TRIM58: variants seen among roughly 807,000 people sequenced by gnomAD.
TRIM58 encodes the protein tripartite motif containing 58.
Under a neutral mutation model 34.1 loss-of-function variants are expected in TRIM58, and 38 were observed. That is an observed-to-expected ratio of 1.12 (90% CI 0.86 to 1.46). TRIM58 has a LOEUF of 1.46. Ranked by LOEUF, TRIM58 falls within the 40% of genes most tolerant of loss-of-function variation. The probability of loss-of-function intolerance (pLI) is 0.00; values close to 1 mark genes in which losing one functional copy is unlikely to be tolerated. For missense variants in TRIM58, 677 were observed against 642.0 expected (o/e 1.05, Z -0.59); for synonymous variants, 273 against 275.7 (o/e 0.99, Z 0.10).
At chr1:247,869,754 T>C (rs1007298386) in intron 5 of TRIM58, among the ~76,000 whole-genome samples, 5 of 152,146 alleles carry the variant, frequency 3.3e-5, no homozygotes, top group Admixed American at 2.0e-4. Flanking sequence ...GGGAAAACTT[T>C]CCCCTTTCCC....
intron 3 of TRIM58, among the ~76,000 whole-genome samples, chr1:247,866,969 C>A (rs1478779318): frequency 1.3e-5 from 2 of 151,988 alleles, no homozygotes; most frequent in Non-Finnish European, 2.9e-5. Context: ...ATCTGACTGG[C>A]AACTGTTTTT....
rs116396857 is a variant in TRIM58, at chr1:247,863,816, C to T, written c.517-889C>T. Among the ~76,000 whole-genome samples, 685 of 152,248 alleles carry T rather than the reference C, an allele frequency of 4.5e-3. 7 individuals are homozygous for T. Among genetic ancestry groups the T allele is most frequent in the African/African-American group, 0.016 (652 of 41,540 alleles). ...CTTAGGTCTATTCAGAAACTGAAGA[C>T]GTGAGATTCAGGTAGAAATTGGGAT... On this transcript the variant is annotated intron_variant, in intron 2 of 5. Transcript: ENST00000366481.
Position 247,879,934 on chromosome 1 carries a change from G to A in TRIM58, c.*3445G>A, listed in dbSNP as rs114415303. Among the ~76,000 whole-genome samples the A allele has an allele frequency of 7.7e-3, 1,169 of 151,784 alleles. 2 individuals carry two copies. Among genetic ancestry groups the A allele is most frequent in the Non-Finnish European group, 0.012 (845 of 67,964 alleles). The stretch of plus-strand genomic sequence containing the variant: ...CTTTGTTCCCCATACAGTACGTGTC[G>A]TCGTACTATATTGTTAGGCTTATTT... On this transcript the variant is annotated 3_prime_UTR_variant, in exon 6 of 6. Transcript: ENST00000366481.
Position 247,867,997 on chromosome 1 carries a change from A to G in TRIM58, c.805A>G (p.Ile269Val). ...KAVTRLEAEN[I>V]PMELKTACCI... ...TGTCACAAGGCTGGAAGCAGAGAAC[A>G]TCCCCATGGAACTGAAGACAGCATG... Residue 269 changes from isoleucine (I) to valine (V), a missense_variant, in exon 5 of 6, where the codon ATC becomes GTC. Coordinates refer to ENST00000366481, the MANE Select transcript of TRIM58 (RefSeq NM_015431.4). The G allele has an allele frequency of 6.2e-7, 1 of 1,612,988 alleles. No individual in the cohort carries two copies. Among genetic ancestry groups the G allele is most frequent in the Non-Finnish European group, 8.5e-7 (1 of 1,179,724 alleles).
chr1:247,859,157 TCTAGGGCC>T (rs1219549528), intron 1 of TRIM58, among the ~76,000 whole-genome samples: 1 of 152,164 alleles, frequency 6.6e-6, no homozygotes, highest in Non-Finnish European at 1.5e-5. Flanking sequence ...GTGAAAGCTT[TCTAGGGCC>T]CTAAGTTATG....
At chr1:247,859,945 A>T (rs66519367) in intron 1 of TRIM58, among the ~76,000 whole-genome samples, 12,838 of 151,644 alleles carry the variant, frequency 0.085, 680 homozygotes, top group East Asian at 0.2. Flanking sequence ...TTACCAGCAC[A>T]TTTTTTTTCA....
At chr1:247,865,266 A>AAAAC (rs776674449) in intron 3 of TRIM58, among the ~76,000 whole-genome samples, 5 of 152,182 alleles carry the variant, frequency 3.3e-5, no homozygotes, top group Non-Finnish European at 7.3e-5. Flanking sequence ...CCTGTCTCAA[A>AAAAC]AAACAAACAA....
In TRIM58 at chr1:247,878,764, C is replaced by T. The variant is rs921040131; in HGVS notation, c.*2275C>T. Among the ~76,000 whole-genome samples the T allele has an allele frequency of 3.9e-5, 6 of 152,194 alleles. No homozygotes were observed. Among genetic ancestry groups the T allele is most frequent in the African/African-American group, 1.4e-4 (6 of 41,450 alleles). ...ATGAGTGTCCCAGTCCCAGGAGTAT[C>T]CATTTCCCACTGTGTAGCCCAGTAC... is the stretch of plus-strand genomic sequence containing the variant. On this transcript the variant is annotated 3_prime_UTR_variant, in exon 6 of 6. Coordinates refer to ENST00000366481, the MANE Select transcript of TRIM58 (RefSeq NM_015431.4).
intron 1 of TRIM58, among the ~76,000 whole-genome samples, 186 bp downstream of exon 1, chr1:247,857,852 C>A (rs753476915): frequency 9.7e-4 from 147 of 152,196 alleles, no homozygotes; most frequent in Non-Finnish European, 2.0e-3. Context: ...GCTGTGGTAA[C>A]CCCCTTTGCG....
At chr1:247,873,306 T>G (rs527854893) in intron 5 of TRIM58, among the ~76,000 whole-genome samples, 1 of 152,158 alleles carries the variant, frequency 6.6e-6, no homozygotes, top group African/African-American at 2.4e-5. Context: ...GCAGTTTGGT[T>G]GGGGTATGGT....
chr1:247,870,353 C>T (rs113978960), intron 5 of TRIM58, among the ~76,000 whole-genome samples: 20 of 142,994 alleles, frequency 1.4e-4, no homozygotes, highest in East Asian at 8.7e-4. Flanking sequence ...CCCAGAAGAA[C>T]GAGGATTAGT....
chr1:247,872,951 C>T (rs1437206045), intron 5 of TRIM58, among the ~76,000 whole-genome samples: 7 of 152,216 alleles, frequency 4.6e-5, no homozygotes, highest in East Asian at 3.9e-4. Context: ...AACTCTGGGC[C>T]GGGCGCGGTG....
intron 2 of TRIM58, among the ~76,000 whole-genome samples, chr1:247,861,544 T>C (rs1249146563): frequency 6.6e-6 from 1 of 152,158 alleles, no homozygotes; most frequent in Non-Finnish European, 1.5e-5. Flanking sequence ...TGTGTATAGT[T>C]CTATATATTC....
chr1:247,861,922 G>A (rs150362627), intron 2 of TRIM58, among the ~76,000 whole-genome samples: 3,705 of 152,020 alleles, frequency 0.024, 154 homozygotes, highest in African/African-American at 0.084. Flanking sequence ...TCAGGAGTTC[G>A]AGACCAGCCT....
At chr1:247,867,721 C>A (rs1663963478) in intron 3 of TRIM58, 124 bp from the exon 4 acceptor site, 3 of 1,083,380 alleles carry the variant, frequency 2.8e-6, no homozygotes, top group African/African-American at 3.2e-5. Context: ...ATTTATTGTC[C>A]CCTATAATTT....
In TRIM58 at chr1:247,877,273, C is replaced by A. The variant is rs1424559514; in HGVS notation, c.*784C>A. On this transcript the variant is annotated 3_prime_UTR_variant, in exon 6 of 6. Transcript: ENST00000366481. ...ACTCGTTCTTTAATGCAGATATTTA[C>A]TAGTTATAAGACCTTAAGGCTGGGT... 1 of 152,112 alleles carries A rather than the reference C, an allele frequency of 6.6e-6. No individual in the cohort carries two copies. The highest frequency in any genetic ancestry group is 1.9e-4 in the East Asian group (1 of 5,190). The allele number at this position is 152,112 out of a possible 1,614,324, so 9.4% of individuals were successfully genotyped here. A position where few individuals can be genotyped will look rare whatever the true frequency, so the allele number is the denominator to read the frequency against.
chr1:247,867,383 C>T (rs567914492), intron 3 of TRIM58, among the ~76,000 whole-genome samples: 14 of 152,174 alleles, frequency 9.2e-5, no homozygotes, highest in Non-Finnish European at 1.5e-4. Flanking sequence ...TTAACCTAAA[C>T]TTTGTATAGC....
intron 2 of TRIM58, 84 bp downstream of exon 2, chr1:247,860,796 C>A: frequency 9.2e-7 from 1 of 1,085,488 alleles, no homozygotes. Context: ...ATCTTCCATT[C>A]TCCAGCACTT....
intron 1 of TRIM58, 72 bp downstream of exon 1, chr1:247,857,738 C>T: frequency 8.3e-7 from 1 of 1,199,196 alleles, no homozygotes; most frequent in Non-Finnish European, 1.0e-6. Flanking sequence ...GGAGCGGAGC[C>T]GCCGAGGCCA....
Sources: gnomAD v4.1 joint callset for allele counts (sites outside exome capture counted in the v4.1 genomes callset) on GRCh38, gnomAD v4.1.1 for gene constraint, MANE v1.5 for transcripts, NCBI Gene and HGNC (gene_info 2026-07-23, HGNC 2026-07-21) for gene names.